PIEZO2: variants seen among roughly 807,000 people sequenced by gnomAD.
PIEZO2 encodes the protein piezo-type mechanosensitive ion channel component 2.
PIEZO2 carries 172 observed loss-of-function variants against 337.3 expected under a neutral mutation model. The observed-to-expected ratio is 0.51, with a 90% confidence interval of 0.45 to 0.58. The LOEUF (loss-of-function observed/expected upper bound fraction) is 0.58, where lower values mean the gene tolerates loss of function less well. Ranked by LOEUF, PIEZO2 falls within the 20% of genes least tolerant of loss-of-function variation. The pLI is 0.00. For missense variants in PIEZO2, 3,028 were observed against 3,391.3 expected, an observed-to-expected ratio of 0.89 and a Z score of 2.66; for synonymous variants, 1,251 against 1,228.5, an observed-to-expected ratio of 1.02 and a Z score of -0.38.
intron 17 of PIEZO2, among the ~76,000 whole-genome samples, chr18:10,782,360 T>C (rs1366020700): frequency 1.8e-5 from 1 of 54,460 alleles, no homozygotes; most frequent in Non-Finnish European, 2.9e-5. Flanking sequence ...ATTATAATTA[T>C]ATATAAATAA....
chr18:10,809,767 CTG>C (rs1226256273), intron 7 of PIEZO2, among the ~76,000 whole-genome samples: 1 of 152,124 alleles, frequency 6.6e-6, no homozygotes, highest in Non-Finnish European at 1.5e-5. Context: ...TACAAAGAAA[CTG>C]ATACTATTGC....
At chr18:10,675,791 G>C (rs1310167401) in intron 53 of PIEZO2, among the ~76,000 whole-genome samples, 1 of 152,090 alleles carries the variant, frequency 6.6e-6, no homozygotes, top group South Asian at 2.1e-4. Context: ...GGATGATGGG[G>C]GCAGGTTTTC....
intron 47 of PIEZO2, among the ~76,000 whole-genome samples, chr18:10,695,821 C>G (rs575444832): frequency 6.6e-6 from 1 of 152,254 alleles, no homozygotes; most frequent in South Asian, 2.1e-4. Flanking sequence ...AGGCTGTCAC[C>G]GTTGTTATTT....
At position 11,092,683 on chromosome 18, in the gene PIEZO2, G is replaced by A. The variant is rs1474118336; in HGVS notation, c.65-26461C>T. On this transcript the variant is annotated intron_variant, in intron 1 of 55. Transcript: ENST00000674853. The surrounding 1 kb of genome is among the most constrained non-coding windows in gnomAD (Gnocchi z 4.5). ...ATCCAAACCTTGGATCCTGAAAAAT[G>A]TGAACAAAAAGAGCTTTGTCAAACC... Among the ~76,000 whole-genome samples the A allele has an allele frequency of 6.6e-6, 1 of 152,122 alleles. No homozygotes were observed. Among genetic ancestry groups the A allele is most frequent in the East Asian group, 1.9e-4 (1 of 5,192 alleles).
At chr18:10,893,325 C>T (rs1014378602) in intron 4 of PIEZO2, among the ~76,000 whole-genome samples, 5 of 152,164 alleles carry the variant, frequency 3.3e-5, no homozygotes, top group Non-Finnish European at 7.3e-5. Flanking sequence ...TTGCAAGATG[C>T]CAGCCTTCTG....
rs372801656 is a variant in PIEZO2, at chr18:10,702,002, C to T, written c.6428G>A (p.Arg2143Gln). 5.9e-6 allele frequency: 9 copies of T among 1,525,460 alleles called. No homozygotes were observed. Among genetic ancestry groups the T allele is most frequent in the East Asian group, 4.9e-5 (2 of 40,758 alleles). The allele number at this position is 1,525,460 out of a possible 1,614,324, so 94.5% of individuals were successfully genotyped here. ...LIQLLALFFHRSILKCHGLWD... is the reference protein window; with the variant it reads ...LIQLLALFFHQSILKCHGLWD... ...AACATGCAGTACCTTCAAAATTGAT[C>T]GATGAAAGAACAGAGCCAGGAGCTG... Residue 2143 changes from arginine (R) to glutamine (Q), a missense_variant, in exon 43 of 56, where the codon CGA becomes CAA. Physicochemically the swap from Arg to Gln is conservative, Grantham distance 43 (BLOSUM62 1). This residue lies in a region of PIEZO2 where 1,925 missense variants were observed against 2,051.9 expected (regional missense o/e 0.94). Coordinates refer to ENST00000674853, the MANE Select transcript of PIEZO2 (RefSeq NM_001378183.1).
At chr18:10,971,037 T>C (rs1407287122) in intron 3 of PIEZO2, among the ~76,000 whole-genome samples, 1 of 152,170 alleles carries the variant, frequency 6.6e-6, no homozygotes, top group African/African-American at 2.4e-5. Context: ...TGCCCCTTGA[T>C]GCTTGGCATT....
At chr18:10,718,993 A>AT (rs1284080749) in intron 36 of PIEZO2, among the ~76,000 whole-genome samples, 2 of 149,972 alleles carry the variant, frequency 1.3e-5, no homozygotes, top group African/African-American at 4.9e-5. Context: ...AAATAAATAA[A>AT]TAAATAAATA....
Position 10,954,226 on chromosome 18 carries a change from G to A in PIEZO2, c.286+25309C>T, listed in dbSNP as rs1033859378. Among the ~76,000 whole-genome samples, 1 of 152,096 alleles carries A rather than the reference G, an allele frequency of 6.6e-6. No individual in the cohort carries two copies. Among genetic ancestry groups the A allele is most frequent in the African/African-American group, 2.4e-5 (1 of 41,398 alleles). ...GATTTCTACAAAAATATCCTGCTGGGATTCTGACTAGAATTGTGTTGAACC... is the reference window on the plus strand; with the variant it reads ...GATTTCTACAAAAATATCCTGCTGGAATTCTGACTAGAATTGTGTTGAACC... On this transcript the variant is annotated intron_variant, in intron 3 of 55. Transcript: ENST00000674853. This position sits in a 1 kb window ranked among gnomAD's most constrained non-coding sequence, Gnocchi z 4.2.
At chr18:11,136,770 G>T (rs2040502279) in intron 1 of PIEZO2, among the ~76,000 whole-genome samples, 2 of 152,106 alleles carry the variant, frequency 1.3e-5, no homozygotes, top group South Asian at 4.1e-4. Flanking sequence ...CACACCTGAG[G>T]TGTTTGTGCA....
chr18:10,757,772 GA>G (rs2037942853), intron 27 of PIEZO2, among the ~76,000 whole-genome samples, 196 bp downstream of exon 27: 1 of 151,998 alleles, frequency 6.6e-6, no homozygotes, highest in Non-Finnish European at 1.5e-5. Flanking sequence ...GGTTTACATT[GA>G]CAAAAGCAGG....
At position 11,131,359 on chromosome 18, in the gene PIEZO2, G is replaced by T. The variant is rs2146238615; in HGVS notation, c.64+17166C>A. ...TCGAATGCCTATCATCTCCACCCCT[G>T]CTACCCTGTCTTCTCTCCCACAGCC... On this transcript the variant is annotated intron_variant, in intron 1 of 55. Coordinates refer to ENST00000674853, the MANE Select transcript of PIEZO2 (RefSeq NM_001378183.1). This position sits in a 1 kb window ranked among gnomAD's most constrained non-coding sequence, Gnocchi z 5.3. Among the ~76,000 whole-genome samples, 1 of 152,230 alleles carries T rather than the reference G, an allele frequency of 6.6e-6. No homozygotes were observed. Among genetic ancestry groups the T allele is most frequent in the South Asian group, 2.1e-4 (1 of 4,812 alleles).
At chr18:10,935,187 G>A (rs748332120) in intron 3 of PIEZO2, among the ~76,000 whole-genome samples, 1 of 152,118 alleles carries the variant, frequency 6.6e-6, no homozygotes, top group Non-Finnish European at 1.5e-5. Context: ...AGAATTCCTG[G>A]TTTTCTTCTT....
At chr18:10,806,994 A>C in intron 8 of PIEZO2, 118 bp downstream of exon 8, 3 of 1,050,090 alleles carry the variant, frequency 2.9e-6, no homozygotes, top group Non-Finnish European at 4.0e-6. Context: ...TACCCAGAAC[A>C]CTAGAGTTGT....
At chr18:11,039,820 A>G (rs184863913) in intron 2 of PIEZO2, among the ~76,000 whole-genome samples, 7 of 152,164 alleles carry the variant, frequency 4.6e-5, no homozygotes, top group Admixed American at 1.3e-4. Flanking sequence ...ATTAAAAACT[A>G]GCAAAATAAG....
At chr18:10,908,276 T>C (rs1035476162) in intron 4 of PIEZO2, 1 of 152,278 alleles carries the variant, frequency 6.6e-6, no homozygotes, top group African/African-American at 2.4e-5. Flanking sequence ...CTTTGCTTTT[T>C]TTATTCTTGG....
At chr18:10,752,996 A>AC (rs745987296) in intron 27 of PIEZO2, 117 bp from the exon 28 acceptor site, 346 of 1,256,684 alleles carry the variant, frequency 2.8e-4, no homozygotes, top group Non-Finnish European at 3.5e-4. Flanking sequence ...TGCAAATCAG[A>AC]CTGTGAGCTT....
chr18:10,866,697 CA>C (rs2042017242), intron 5 of PIEZO2, among the ~76,000 whole-genome samples: 1 of 152,064 alleles, frequency 6.6e-6, no homozygotes, highest in South Asian at 2.1e-4. Flanking sequence ...ACCTGGTGAC[CA>C]GGGATGTGGC....
chr18:10,886,487 C>CATATATATATGTATATATATATATAT (rs1555669623), intron 4 of PIEZO2, among the ~76,000 whole-genome samples: 3 of 45,882 alleles, frequency 6.5e-5, no homozygotes, highest in African/African-American at 4.3e-4. Context: ...ATATCCAAAC[C>CATATATATATGTATATATATATATAT]ATATATATAT....
Sources: allele counts gnomAD v4.1 joint callset (sites outside exome capture counted in the v4.1 genomes callset), GRCh38; gene constraint gnomAD v4.1.1; regional missense constraint gnomAD v4.1.1; non-coding constraint Gnocchi (gnomAD v3.1); transcripts MANE v1.5; gene names NCBI Gene and HGNC (gene_info 2026-07-23, HGNC 2026-07-21).